The following DERA variants were observed in gnomAD, a reference collection of about 807,000 sequenced individuals.
DERA encodes deoxyribose-phosphate aldolase, also known as 2-deoxy-D-ribose 5-phosphate aldolase.
A neutral mutation model predicts 41.1 loss-of-function variants in DERA; 15 were observed. The ratio of observed to expected loss-of-function variants is 0.37; its 90% CI spans 0.24 to 0.56. The LOEUF (loss-of-function observed/expected upper bound fraction) is 0.56, where lower values mean the gene tolerates loss of function less well. DERA is among the 20% of genes least tolerant of loss of function. The pLI, the probability that DERA is intolerant of heterozygous loss-of-function variation, is 0.81. For missense variants in DERA, 396 were observed against 403.4 expected (o/e 0.98, Z 0.16); for synonymous variants, 139 against 137.4 (o/e 1.01, Z -0.08).
Position 15,956,994 on chromosome 12 carries a change from A to G in DERA, c.90A>G (p.Glu30=). The change falls in exon 2 of 9, where the codon GAA becomes GAG. Residue 30 remains glutamate (E), a synonymous_variant. Coordinates refer to ENST00000428559, the MANE Select transcript of DERA (RefSeq NM_015954.4). ...ACCCGGCAGTTCTGAGGCGTGCGGA[A>G]CAAATCCAGGCTCGCAGAACCGTGA... is the stretch of plus-strand genomic sequence containing the variant. ...VNHPAVLRRA[E]QIQARRTVKK... 1 of 1,613,942 alleles carries G rather than the reference A, an allele frequency of 6.2e-7. No homozygotes were observed. Among genetic ancestry groups the G allele is most frequent in the Non-Finnish European group, 8.5e-7 (1 of 1,179,858 alleles).
chr12:15,918,748 G>A lies in DERA; in HGVS notation c.31+7334G>A, dbSNP rs113557617. On this transcript the variant is annotated intron_variant, in intron 1 of 8. Coordinates refer to ENST00000428559, the MANE Select transcript of DERA (RefSeq NM_015954.4). This position sits in a 1 kb window ranked among gnomAD's most constrained non-coding sequence, Gnocchi z 4.3. ...ATGTTTATGTAAATCACCACATACGGCATGTTAAAACTGACAACAGGAACG... is the reference window on the plus strand; with the variant it reads ...ATGTTTATGTAAATCACCACATACGACATGTTAAAACTGACAACAGGAACG... Among the ~76,000 whole-genome samples the A allele has an allele frequency of 0.039, 5,965 of 152,162 alleles. 389 individuals carry two copies. The highest frequency in any genetic ancestry group is 0.14 in the African/African-American group (5,691 of 41,496).
At chr12:16,027,650 A>T (rs1313369780) in intron 6 of DERA, among the ~76,000 whole-genome samples, 1 of 152,226 alleles carries the variant, frequency 6.6e-6, no homozygotes, top group Non-Finnish European at 1.5e-5. Flanking sequence ...CTCCACAGAG[A>T]GTATGGCTCT....
At position 16,017,896 on chromosome 12, in the gene DERA, A is replaced by G. The variant is rs1948993780; in HGVS notation, c.638-14646A>G. 6.6e-6 allele frequency among the ~76,000 whole-genome samples: 1 copy of G among 152,242 alleles called. No homozygotes were observed. ...CACTTAATGACAAGCTTTCTCAAGC[A>G]GCAGTTGATTTGAAATCCTACTTTT... On this transcript the variant is annotated intron_variant, in intron 6 of 8. Transcript: ENST00000428559. This position sits in a 1 kb window ranked among gnomAD's most constrained non-coding sequence, Gnocchi z 5.5.
chr12:15,926,007 G>C (rs188050201), intron 1 of DERA, among the ~76,000 whole-genome samples: 2 of 151,698 alleles, frequency 1.3e-5, no homozygotes, highest in African/African-American at 4.8e-5. Context: ...ATTTTTAGTA[G>C]AGTCGGGGTT....
chr12:15,961,580 A>G (rs998337981), intron 4 of DERA, among the ~76,000 whole-genome samples: 3 of 152,192 alleles, frequency 2.0e-5, no homozygotes, highest in African/African-American at 7.2e-5. Flanking sequence ...TAAAAGAAAC[A>G]TGGTGCACAG....
rs1948163126 is a variant in DERA, at chr12:15,911,476, G to A, written c.31+62G>A. 7.2e-7 allele frequency: 1 copy of A among 1,384,542 alleles called. No homozygotes were observed. Among genetic ancestry groups the A allele is most frequent in the African/African-American group, 1.5e-5 (1 of 67,170 alleles). The allele number at this position is 1,384,542 out of a possible 1,614,324, so 85.8% of individuals were successfully genotyped here. A position where few individuals can be genotyped will look rare whatever the true frequency, so the allele number is the denominator to read the frequency against. ...CGCGTTCAGCGCCGCCGGGACTAGC[G>A]CGGGGCCTGCTGCCGCCCAGTGCCC... On this transcript the variant is annotated intron_variant, in intron 1 of 8. Transcript: ENST00000428559. This position sits in a 1 kb window ranked among gnomAD's most constrained non-coding sequence, Gnocchi z 4.5.
At chr12:16,006,318 G>A (rs2136176253) in intron 6 of DERA, among the ~76,000 whole-genome samples, 1 of 152,300 alleles carries the variant, frequency 6.6e-6, no homozygotes, top group Admixed American at 6.5e-5. Flanking sequence ...GCTGAAAATT[G>A]CGTTGCCAGT....
chr12:15,912,726 A>G (rs1316739591), intron 1 of DERA, among the ~76,000 whole-genome samples: 1 of 152,210 alleles, frequency 6.6e-6, no homozygotes, highest in Non-Finnish European at 1.5e-5. Flanking sequence ...AATTGGCTGT[A>G]AATTATATGT....
At position 15,922,622 on chromosome 12, in the gene DERA, A is replaced by C. The variant is rs1033029509; in HGVS notation, c.31+11208A>C. ...GGTGCTTGACAGTAGTTGTTTTTAC[A>C]GGCCAAGTTGAAATTAGGTATCCTG... On this transcript the variant is annotated intron_variant, in intron 1 of 8. Coordinates refer to ENST00000428559, the MANE Select transcript of DERA (RefSeq NM_015954.4). The surrounding 1 kb of genome is among the most constrained non-coding windows in gnomAD (Gnocchi z 4.9). Among the ~76,000 whole-genome samples, 14 of 152,238 alleles carry C rather than the reference A, an allele frequency of 9.2e-5. No individual in the cohort carries two copies. The highest frequency in any genetic ancestry group is 1.2e-4 in the Non-Finnish European group (8 of 68,030).
At chr12:15,933,188 A>G (rs1194110715) in intron 1 of DERA, among the ~76,000 whole-genome samples, 5 of 152,186 alleles carry the variant, frequency 3.3e-5, no homozygotes, top group Non-Finnish European at 7.3e-5. Context: ...TATACCCGGT[A>G]GTGGGATTGC....
Position 15,999,651 on chromosome 12 carries a change from G to A in DERA, c.637+17215G>A, listed in dbSNP as rs1008578068. Among the ~76,000 whole-genome samples, 7 of 152,168 alleles carry A rather than the reference G, an allele frequency of 4.6e-5. No homozygotes were observed. The highest frequency in any genetic ancestry group is 1.4e-4 in the African/African-American group (6 of 41,430). ...GTAAATGGAAAGTGGCAGAAGAGGTGGGGATGAAGCTAGTAAATAGCTTGG... is the reference window on the plus strand; with the variant it reads ...GTAAATGGAAAGTGGCAGAAGAGGTAGGGATGAAGCTAGTAAATAGCTTGG... On this transcript the variant is annotated intron_variant, in intron 6 of 8. Coordinates refer to ENST00000428559, the MANE Select transcript of DERA (RefSeq NM_015954.4). The surrounding 1 kb of genome is among the most constrained non-coding windows in gnomAD (Gnocchi z 5.3).
At chr12:15,975,170 C>G (rs1948688649) in intron 5 of DERA, among the ~76,000 whole-genome samples, 1 of 152,128 alleles carries the variant, frequency 6.6e-6, no homozygotes. Flanking sequence ...TGTTTTATTA[C>G]TACTCAAGTC....
rs1948697666 is a variant in DERA, at chr12:15,976,405, C to T, written c.509-5903C>T. On this transcript the variant is annotated intron_variant, in intron 5 of 8. Coordinates refer to ENST00000428559, the MANE Select transcript of DERA (RefSeq NM_015954.4). The surrounding 1 kb of genome is among the most constrained non-coding windows in gnomAD (Gnocchi z 4.1). ...TTCCCCAGAGCTGACTGCACGTCCCCCTCACCTCGCCTCCATCATGTTGCC... is the reference window on the plus strand; with the variant it reads ...TTCCCCAGAGCTGACTGCACGTCCCTCTCACCTCGCCTCCATCATGTTGCC... Among the ~76,000 whole-genome samples the T allele has an allele frequency of 6.6e-6, 1 of 152,146 alleles. No homozygotes were observed. The highest frequency in any genetic ancestry group is 2.4e-5 in the African/African-American group (1 of 41,424).
rs1209731252 is a variant in DERA at position 16,000,201 on chromosome 12, C to T, written c.637+17765C>T. On this transcript the variant is annotated intron_variant, in intron 6 of 8. Transcript: ENST00000428559. This position sits in a 1 kb window ranked among gnomAD's most constrained non-coding sequence, Gnocchi z 4.8. ...GTCTTTTTCCCAGCCCAGGAACCAGCGCCTCTGTTTCCATTTATAAGACCT... is the reference window on the plus strand; with the variant it reads ...GTCTTTTTCCCAGCCCAGGAACCAGTGCCTCTGTTTCCATTTATAAGACCT... Among the ~76,000 whole-genome samples the T allele has an allele frequency of 5.9e-5, 9 of 152,160 alleles. No individual in the cohort carries two copies. The highest frequency in any genetic ancestry group is 1.0e-4 in the Non-Finnish European group (7 of 68,044).
At chr12:15,980,535 T>C (rs1948725651) in intron 5 of DERA, among the ~76,000 whole-genome samples, 1 of 152,136 alleles carries the variant, frequency 6.6e-6, no homozygotes, top group Non-Finnish European at 1.5e-5. Context: ...TAAAAGAATA[T>C]AATTTTTTTT....
intron 5 of DERA, among the ~76,000 whole-genome samples, chr12:15,978,333 T>A (rs1185463622): frequency 6.6e-6 from 1 of 152,216 alleles, no homozygotes. Context: ...TAGTTGTGCT[T>A]TCATAAGTAT....
rs1436620993 is a variant in DERA, at chr12:16,019,844, A to G, written c.638-12698A>G. ...TGTCCCTTCCAACTCACATGTTGAA[A>G]TGTGATTCCCAGTGTTAGAGATGGG... On this transcript the variant is annotated intron_variant, in intron 6 of 8. Transcript: ENST00000428559. The surrounding 1 kb of genome is among the most constrained non-coding windows in gnomAD (Gnocchi z 4.4). 6.6e-6 allele frequency among the ~76,000 whole-genome samples: 1 copy of G among 152,192 alleles called. No individual in the cohort carries two copies. Among genetic ancestry groups the G allele is most frequent in the Non-Finnish European group, 1.5e-5 (1 of 68,044 alleles).
At chr12:16,032,705 T>C in intron 7 of DERA, 51 bp downstream of exon 7, 1 of 1,104,782 alleles carries the variant, frequency 9.1e-7, no homozygotes, top group South Asian at 1.3e-5. Context: ...ATGTTATTTA[T>C]AATACTAGTT....
intron 1 of DERA, among the ~76,000 whole-genome samples, chr12:15,945,068 A>T (rs938334054): frequency 3.3e-5 from 5 of 152,022 alleles, no homozygotes; most frequent in Non-Finnish European, 4.4e-5. Flanking sequence ...CTGAGGGCTC[A>T]ATTCTGTTCC....
Sources: gnomAD v4.1 joint callset for allele counts (sites outside exome capture counted in the v4.1 genomes callset) on GRCh38, gnomAD v4.1.1 for gene constraint, Gnocchi (gnomAD v3.1) non-coding constraint, MANE v1.5 for transcripts, NCBI Gene and HGNC (gene_info 2026-07-23, HGNC 2026-07-21) for gene names.